The following ANO8 variants were observed in gnomAD, a reference collection of about 807,000 sequenced individuals.
ANO8 encodes anoctamin-8.
ANO8 carries 67 observed loss-of-function variants against 120.4 expected under a neutral mutation model. The observed-to-expected ratio is 0.56, with a 90% confidence interval of 0.46 to 0.68. The LOEUF (loss-of-function observed/expected upper bound fraction) is 0.68, where lower values mean the gene tolerates loss of function less well. ANO8 is among the 30% of genes least tolerant of loss of function. ANO8 has a pLI of 0.00. For synonymous variants in ANO8, 727 were observed against 759.2 expected (o/e 0.96, Z 0.70); for missense variants, 1,526 against 1,737.6 (o/e 0.88, Z 2.16).
chr19:17,327,138 C>G (rs1187180731), intron 16 of ANO8, 97 bp downstream of exon 16: 2 of 1,054,222 alleles, frequency 1.9e-6, no homozygotes, highest in African/African-American at 3.2e-5. Flanking sequence ...TGTGCAGTCT[C>G]TGCATTTGCC....
rs376028722 is a variant in ANO8 at position 17,327,454 on chromosome 19, G to A, written c.2534C>T (p.Ser845Leu). 11 of 1,611,620 alleles carry A rather than the reference G, an allele frequency of 6.8e-6. No homozygotes were observed. Among genetic ancestry groups the A allele is most frequent in the Middle Eastern group, 1.6e-4 (1 of 6,078 alleles). The change falls in exon 15 of 18, where the codon TCG (serine) becomes TTG (leucine). Residue 845 changes from serine to leucine, a missense_variant. Coordinates refer to ENST00000159087, the MANE Select transcript of ANO8 (RefSeq NM_020959.3). ...PWLSPEAAIV[S>L]VVVLEHFALL... ...CGGCCCCACCTCGAGCACTACCACC[G>A]ACACGATGGCTGCCTCCGGGCTCAG...
chr19:17,328,385 C>A lies in ANO8; in HGVS notation c.2003G>T (p.Gly668Val). Residue 668 changes from glycine (G) to valine (V), a missense_variant, in exon 13 of 18, where the codon GGC becomes GTC. This residue lies in a region of ANO8 where 467 missense variants were observed against 425.8 expected (regional missense o/e 1.10). Transcript: ENST00000159087. ...GGCCGGGGGCTCCCGTTCAGGGCTG[C>A]CGGGAGCCCCCTCCGCCTCGTCGTC... ...EEDDEAEGAP[G>V]SPEREPPAIL... is the part of the protein sequence containing the mutation. The A allele has an allele frequency of 1.3e-6, 2 of 1,571,980 alleles. No individual in the cohort carries two copies. Among genetic ancestry groups the A allele is most frequent in the South Asian group, 2.3e-5 (2 of 87,254 alleles).
At position 17,323,857 on chromosome 19, in the gene ANO8, G is replaced by T; in HGVS notation, c.3359C>A (p.Pro1120His). The T allele has an allele frequency of 8.9e-7, 1 of 1,123,240 alleles. No individual in the cohort carries two copies. Among genetic ancestry groups the T allele is most frequent in the Admixed American group, 4.9e-5 (1 of 20,270 alleles). The allele number at this position is 1,123,240 out of a possible 1,614,324, so 69.6% of individuals were successfully genotyped here. The part of the protein sequence containing the change: ...SGTALAPVGA[P>H]ALRTRRSRSP... ...CCGGCTGCGGCGGGTGCGGAGGGCA[G>T]GGGCGCCCACGGGGGCCAGCGCTGT... Residue 1120 changes from proline (P) to histidine (H), a missense_variant, in exon 18 of 18, where the codon CCT (proline) becomes CAT (histidine). Around this residue, in one of 8 missense-constraint regions of ANO8, gnomAD observed 489 missense variants for 548.6 expected, o/e 0.89. Coordinates refer to ENST00000159087, the MANE Select transcript of ANO8 (RefSeq NM_020959.3).
In ANO8 at chr19:17,327,422, C is replaced by G; in HGVS notation, c.2550+16G>C. ...TCTCGCCTCCCAGCTGCCCCCGCCCCTGTCGCCGGCCCCACCTCGAGCACT... is the reference window on the plus strand; with the variant it reads ...TCTCGCCTCCCAGCTGCCCCCGCCCGTGTCGCCGGCCCCACCTCGAGCACT... On this transcript the variant is annotated intron_variant, in intron 15 of 17. Transcript: ENST00000159087. 6.3e-7 allele frequency: 1 copy of G among 1,593,258 alleles called. No homozygotes were observed. The highest frequency in any genetic ancestry group is 8.5e-7 in the Non-Finnish European group (1 of 1,170,066).
rs758170443 is a variant in ANO8 at position 17,328,746 on chromosome 19, C to A, written c.1642G>T (p.Gly548Trp). The A allele has an allele frequency of 1.5e-5, 20 of 1,342,166 alleles. No individual in the cohort carries two copies. Among genetic ancestry groups the A allele is most frequent in the African/African-American group, 3.1e-5 (2 of 64,912 alleles). The allele number at this position is 1,342,166 out of a possible 1,614,324, so 83.1% of individuals were successfully genotyped here. The change falls in exon 13 of 18, where the codon GGG (glycine) becomes TGG (tryptophan). Residue 548 changes from glycine to tryptophan, a missense_variant. By Grantham distance (184) the Gly-to-Trp change is radical. Coordinates refer to ENST00000159087, the MANE Select transcript of ANO8 (RefSeq NM_020959.3). ...TCCTCCTCCGGCGCCCCGCAGCCCC[C>A]GCTGAGGCACCTGCGGCCCCCGCCC... ...SGGGGRRCLS[G>W]GCGAPEEEEE...
intron 5 of ANO8, among the ~76,000 whole-genome samples, chr19:17,332,362 C>T (rs1331577649): frequency 6.6e-6 from 1 of 152,130 alleles, no homozygotes; most frequent in Non-Finnish European, 1.5e-5. Flanking sequence ...GTGATGCTAC[C>T]GCCTGGACCT....
Position 17,329,357 on chromosome 19 carries a change from C to G in ANO8, c.1405-374G>C, listed in dbSNP as rs938462700. The G allele has an allele frequency of 3.7e-5, 13 of 354,538 alleles. No individual in the cohort carries two copies. The South Asian group carries it at 5.6e-4, about 15-fold the overall frequency. 22.0% of individuals were successfully genotyped at this position (354,538 alleles called of 1,614,324 possible). On this transcript the variant is annotated intron_variant, in intron 12 of 17. Coordinates refer to ENST00000159087, the MANE Select transcript of ANO8 (RefSeq NM_020959.3). Reference sequence around the variant, plus strand: ...AGCTCGGCGCGCCAGGCCCCCAGCACAGCCACGCTGCCCACCCCGGCGAGG... The same window carrying G: ...AGCTCGGCGCGCCAGGCCCCCAGCAGAGCCACGCTGCCCACCCCGGCGAGG...
At position 17,325,346 on chromosome 19, in the gene ANO8, T is replaced by C; in HGVS notation, c.2702A>G (p.Gln901Arg). Reference sequence around the variant, plus strand: ...CTCCTCCTCCTCCCGCCGCCTGCGCTGCTGCTGCTGGTAGCGATGCTGGGC... The same window carrying C: ...CTCCTCCTCCTCCCGCCGCCTGCGCCGCTGCTGCTGGTAGCGATGCTGGGC... Reference protein sequence around the residue: ...RQAQHRYQQQQRRRREEEERQ... With the variant: ...RQAQHRYQQQRRRRREEEERQ... Residue 901 changes from glutamine to arginine, a missense_variant, in exon 17 of 18, where the codon CAG becomes CGG. This residue lies in a region of ANO8 where 489 missense variants were observed against 548.6 expected (regional missense o/e 0.89). Coordinates refer to ENST00000159087, the MANE Select transcript of ANO8 (RefSeq NM_020959.3). The C allele has an allele frequency of 6.3e-7, 1 of 1,598,028 alleles. No homozygotes were observed.
At chr19:17,326,063 T>G (rs2074272017) in intron 16 of ANO8, among the ~76,000 whole-genome samples, 1 of 152,238 alleles carries the variant, frequency 6.6e-6, no homozygotes, top group Non-Finnish European at 1.5e-5. Flanking sequence ...ACGCCGGTAC[T>G]TTCTGGGAAT....
At chr19:17,330,594 C>G (rs2145689340) in intron 8 of ANO8, 90 bp from the exon 9 acceptor site, 1 of 1,442,472 alleles carries the variant, frequency 6.9e-7, no homozygotes, top group East Asian at 2.5e-5. Context: ...ACTCAATTTC[C>G]CTCCATCATG....
Position 17,325,122 on chromosome 19 carries a change from T to C in ANO8, c.2926A>G (p.Met976Val), listed in dbSNP as rs1308193517. Reference protein sequence around the residue: ...PGSLLAPNNVMKLKQIIPLQG... With the variant: ...PGSLLAPNNVVKLKQIIPLQG... Reference sequence around the variant, plus strand: ...AGTGGGATGATCTGCTTCAACTTCATGACGTTGTTGGGTGCCAGCAGGGAC... The same window carrying C: ...AGTGGGATGATCTGCTTCAACTTCACGACGTTGTTGGGTGCCAGCAGGGAC... The change falls in exon 17 of 18, where the codon ATG (methionine) becomes GTG (valine). Residue 976 changes from methionine to valine, a missense_variant. Physicochemically the swap from Met to Val is conservative, Grantham distance 21. Transcript: ENST00000159087. 1 of 1,613,692 alleles carries C rather than the reference T, an allele frequency of 6.2e-7. No homozygotes were observed. Among genetic ancestry groups the C allele is most frequent in the Non-Finnish European group, 8.5e-7 (1 of 1,179,962 alleles).
chr19:17,328,742 C>A lies in ANO8; in HGVS notation c.1646G>T (p.Gly549Val). The stretch of plus-strand genomic sequence containing the variant: ...CTCCTCCTCCTCCGGCGCCCCGCAG[C>A]CCCCGCTGAGGCACCTGCGGCCCCC... Reference protein sequence around the residue: ...GGGGRRCLSGGCGAPEEEEEA... With the variant: ...GGGGRRCLSGVCGAPEEEEEA... The change falls in exon 13 of 18, where the codon GGC (glycine) becomes GTC (valine). Residue 549 changes from glycine to valine, a missense_variant. Coordinates refer to ENST00000159087, the MANE Select transcript of ANO8 (RefSeq NM_020959.3). 1 of 1,352,026 alleles carries A rather than the reference C, an allele frequency of 7.4e-7. No homozygotes were observed. Among genetic ancestry groups the A allele is most frequent in the South Asian group, 1.8e-5 (1 of 54,864 alleles). 83.8% of individuals were successfully genotyped at this position (1,352,026 alleles called of 1,614,324 possible).
At chr19:17,325,827 C>T (rs1389137887) in intron 16 of ANO8, among the ~76,000 whole-genome samples, 1 of 152,224 alleles carries the variant, frequency 6.6e-6, no homozygotes, top group African/African-American at 2.4e-5. Flanking sequence ...ACTCGGAAGG[C>T]TGAGGCAGGA....
In ANO8 at chr19:17,328,663, G is replaced by A. The variant is rs1302460409; in HGVS notation, c.1725C>T (p.Asp575=). ...CCTCCTCCTTGCCCCCTGGAGGCCC[G>A]TCCCCCTCCTCCCCGCCTTCCCCCG... ...RRAGEGGEEG[D]GPPGGKEEDE... The change falls in exon 13 of 18, where the codon GAC becomes GAT. Residue 575 remains aspartate (D), a synonymous_variant. Transcript: ENST00000159087. The A allele has an allele frequency of 7.2e-7, 1 of 1,383,222 alleles. No individual in the cohort carries two copies. Among genetic ancestry groups the A allele is most frequent in the Non-Finnish European group, 9.6e-7 (1 of 1,043,740 alleles). The allele number at this position is 1,383,222 out of a possible 1,614,324, so 85.7% of individuals were successfully genotyped here.
intron 12 of ANO8, chr19:17,329,202 A>C: frequency 2.1e-6 from 1 of 466,684 alleles, no homozygotes; most frequent in African/African-American, 2.1e-5. Flanking sequence ...CGCCCACCTC[A>C]CGGGCAGGCC....
intron 14 of ANO8, 26 bp from the exon 15 acceptor site, chr19:17,327,595 C>A: frequency 1.9e-6 from 3 of 1,611,972 alleles, no homozygotes; most frequent in Non-Finnish European, 8.5e-7. Flanking sequence ...AGGGCTCAGG[C>A]GGGGTCCAGC....
In ANO8 at chr19:17,331,100, T is replaced by G. The variant is rs61734355; in HGVS notation, c.819A>C (p.Thr273=). Residue 273 remains threonine, a synonymous_variant, in exon 7 of 18, where the codon ACA becomes ACC. Transcript: ENST00000159087. The part of the protein sequence containing the change: ...AVFGSVLYTF[T]EADQTSRDVS... ...CCCTGCCCAGTACCTGATCAGCCTC[T>G]GTGAATGTGTACAGGACAGACCCGA... The G allele has an allele frequency of 0.098, 158,289 of 1,614,112 alleles. 8,452 individuals carry two copies. Among genetic ancestry groups the G allele is most frequent in the Non-Finnish European group, 0.11 (131,118 of 1,179,994 alleles).
At position 17,323,717 on chromosome 19, in the gene ANO8, C is replaced by T. The variant is rs1322739884; in HGVS notation, c.3499G>A (p.Ala1167Thr). 13 of 1,214,944 alleles carry T rather than the reference C, an allele frequency of 1.1e-5. No individual in the cohort carries two copies. In the East Asian group the frequency reaches 2.3e-4, roughly 21 times the overall value. 75.3% of individuals were successfully genotyped at this position (1,214,944 alleles called of 1,614,324 possible). Residue 1167 changes from alanine (A) to threonine (T), a missense_variant, in exon 18 of 18, where the codon GCC becomes ACC. Transcript: ENST00000159087. The stretch of plus-strand genomic sequence containing the variant: ...GGTGGGCACTCGGCAGCGGCCAGGG[C>T]CTGGCGGGGGGCGGCACCCTCGCCC... ...CGGEGAAPRQ[A>T]LAAAECPPCA...
At position 17,329,804 on chromosome 19, in the gene ANO8, G is replaced by A. The variant is rs1402088307; in HGVS notation, c.1357C>T (p.Leu453Phe). 6.2e-7 allele frequency: 1 copy of A among 1,613,674 alleles called. No homozygotes were observed. The highest frequency in any genetic ancestry group is 1.7e-5 in the Admixed American group (1 of 59,968). The change falls in exon 12 of 18, where the codon CTC becomes TTC. Residue 453 changes from leucine to phenylalanine, a missense_variant. Transcript: ENST00000159087. The part of the protein sequence containing the change: ...LFQFVNSYLS[L>F]FYIGFYLKDM... ...TTGAGGTAGAAACCGATGTAGAAGA[G>A]GCTCAGGTACGAGTTGACAAACTGG... is the stretch of plus-strand genomic sequence containing the variant.
Sources: gnomAD v4.1 joint callset for allele counts (sites outside exome capture counted in the v4.1 genomes callset) on GRCh38, gnomAD v4.1.1 for gene constraint, gnomAD v4.1.1 regional missense constraint, MANE v1.5 for transcripts, NCBI Gene and HGNC (gene_info 2026-07-23, HGNC 2026-07-21) for gene names.